Variants in PTPRD observed in about 807,000 individuals in gnomAD.
The protein encoded by PTPRD is protein tyrosine phosphatase receptor type D.
PTPRD carries 34 observed loss-of-function variants against 214.5 expected under a neutral mutation model. The ratio of observed to expected loss-of-function variants is 0.16; its 90% confidence interval spans 0.12 to 0.21. PTPRD has a LOEUF of 0.21. PTPRD is among the 10% of genes least tolerant of loss of function. The pLI, the probability that PTPRD is intolerant of heterozygous loss-of-function variation, is 1.00. For synonymous variants in PTPRD, 1,128 were observed against 845.7 expected (o/e 1.33, Z -5.79); for missense variants, 2,545 against 2,398.7 (o/e 1.06, Z -1.27).
intron 3 of PTPRD, among the ~76,000 whole-genome samples, chr9:10,243,296 A>G (rs1471419652): frequency 6.6e-6 from 1 of 152,010 alleles, no homozygotes; most frequent in African/African-American, 2.4e-5. Flanking sequence ...CCACAGCTAA[A>G]GTGGCTATTG....
Position 8,568,073 on chromosome 9 carries a change from T to C in PTPRD, c.353-39294A>G, listed in dbSNP as rs534262835. Among the ~76,000 whole-genome samples, 13 of 152,298 alleles carry C rather than the reference T, an allele frequency of 8.5e-5. No individual in the cohort carries two copies. The South Asian group carries it at 2.1e-3, about 24-fold the overall frequency. On this transcript the variant is annotated intron_variant, in intron 14 of 45. Coordinates refer to ENST00000381196, the MANE Select transcript of PTPRD (RefSeq NM_002839.4). ...AGGCTGACAGTTACAGGCAATCCAT[T>C]ATAATAGAAAGAGAAACATGTTATA...
intron 10 of PTPRD, among the ~76,000 whole-genome samples, chr9:9,129,022 CCA>C (rs1248555592): frequency 6.6e-6 from 1 of 152,342 alleles, no homozygotes; most frequent in African/African-American, 2.4e-5. Context: ...TTTCATTCTT[CCA>C]CAGATGTCCA....
chr9:9,013,691 G>C (rs2099521373), intron 11 of PTPRD, among the ~76,000 whole-genome samples: 1 of 152,062 alleles, frequency 6.6e-6, no homozygotes, highest in Non-Finnish European at 1.5e-5. Flanking sequence ...AAGCAACTCT[G>C]CCCTGATTCA....
chr9:9,919,372 T>TC (rs1253584827), intron 5 of PTPRD, among the ~76,000 whole-genome samples: 1 of 151,830 alleles, frequency 6.6e-6, no homozygotes, highest in Non-Finnish European at 1.5e-5. Flanking sequence ...GGAATCAAAG[T>TC]CCCCCCACAG....
At chr9:9,573,355 C>G (rs1173098848) in intron 8 of PTPRD, among the ~76,000 whole-genome samples, 1 of 150,686 alleles carries the variant, frequency 6.6e-6, no homozygotes, top group African/African-American at 2.4e-5. Context: ...TGCTTATGCT[C>G]TATAGGTTTA....
At chr9:8,572,405 G>C (rs2154237630) in intron 14 of PTPRD, among the ~76,000 whole-genome samples, 1 of 152,070 alleles carries the variant, frequency 6.6e-6, no homozygotes, top group African/African-American at 2.4e-5. Context: ...TGAGTGCAGT[G>C]ACAAGACTTT....
At chr9:8,826,275 T>A (rs1401266854) in intron 11 of PTPRD, among the ~76,000 whole-genome samples, 2 of 152,140 alleles carry the variant, frequency 1.3e-5, no homozygotes, top group African/African-American at 4.8e-5. Flanking sequence ...TCCCAATCTA[T>A]TCCTTACAAA....
intron 9 of PTPRD, among the ~76,000 whole-genome samples, chr9:9,208,694 A>G (rs34159154): frequency 2.6e-5 from 4 of 152,294 alleles, no homozygotes; most frequent in African/African-American, 9.6e-5. Flanking sequence ...TAAAGAAGAT[A>G]CGATAAAATT....
At position 8,406,286 on chromosome 9, in the gene PTPRD, T is replaced by G. The variant is rs139663663; in HGVS notation, c.4087-1626A>C. ...CTGGTGGAAGCCTTCAAGTCAACCT[T>G]GAACCATGTCCACACAGAACAGCTC... On this transcript the variant is annotated intron_variant, in intron 35 of 45. Coordinates refer to ENST00000381196, the MANE Select transcript of PTPRD (RefSeq NM_002839.4). 3.6e-3 allele frequency among the ~76,000 whole-genome samples: 554 copies of G among 152,332 alleles called. 2 individuals carry two copies. Among genetic ancestry groups the G allele is most frequent in the African/African-American group, 0.013 (531 of 41,592 alleles).
Position 9,447,429 on chromosome 9 carries a change from C to T in PTPRD, c.-236-49947G>A, listed in dbSNP as rs75458422. On this transcript the variant is annotated intron_variant, in intron 8 of 45. Transcript: ENST00000381196. ...AACACAGTAAAAGAAAACTAAATAC[C>T]GTATGTTCTCACTTATATGTAGAAG... Among the ~76,000 whole-genome samples, 1,087 of 118,182 alleles carry T rather than the reference C, an allele frequency of 9.2e-3. 16 individuals are homozygous for T. The highest frequency in any genetic ancestry group is 0.027 in the African/African-American group (1,003 of 37,088). 77.5% of individuals were successfully genotyped at this position (118,182 alleles called of 152,430 possible).
At chr9:8,421,874 G>A (rs779764956) in intron 35 of PTPRD, among the ~76,000 whole-genome samples, 1 of 151,010 alleles carries the variant, frequency 6.6e-6, no homozygotes. Context: ...TTGCCCGGGC[G>A]TGATGGCTCA....
At chr9:10,019,016 G>T (rs1485735819) in intron 4 of PTPRD, among the ~76,000 whole-genome samples, 1 of 152,012 alleles carries the variant, frequency 6.6e-6, no homozygotes, top group East Asian at 1.9e-4. Flanking sequence ...GAAAATTTTT[G>T]CAATCTACTC....
intron 35 of PTPRD, among the ~76,000 whole-genome samples, chr9:8,408,375 A>T (rs1056944932): frequency 6.6e-6 from 1 of 152,028 alleles, no homozygotes; most frequent in African/African-American, 2.4e-5. Flanking sequence ...TGACTCCTAG[A>T]TATGTCTACT....
rs2136999765 is a variant in PTPRD, at chr9:8,501,072, G to C, written c.1823-13C>G. The stretch of plus-strand genomic sequence containing the variant: ...GGAGCTGACGGCTCTTATTTTGGTA[G>C]TGAGTTAAAGGAGGATTTAAGTGAA... On this transcript the variant is annotated splice_polypyrimidine_tract_variant and intron_variant, in intron 23 of 45. Coordinates refer to ENST00000381196, the MANE Select transcript of PTPRD (RefSeq NM_002839.4). 1 of 1,605,636 alleles carries C rather than the reference G, an allele frequency of 6.2e-7. No individual in the cohort carries two copies. The highest frequency in any genetic ancestry group is 2.2e-5 in the East Asian group (1 of 44,712).
chr9:9,138,487 C>A (rs1342068409), intron 10 of PTPRD, among the ~76,000 whole-genome samples: 2 of 152,072 alleles, frequency 1.3e-5, no homozygotes, highest in Non-Finnish European at 2.9e-5. Context: ...TAAGAAATAT[C>A]ACAAAATATG....
chr9:8,665,960 T>C (rs573288524), intron 12 of PTPRD, among the ~76,000 whole-genome samples: 45 of 152,130 alleles, frequency 3.0e-4, no homozygotes, highest in Admixed American at 2.7e-3. Flanking sequence ...AGTGTTCCAA[T>C]GAAATAAAGT....
At chr9:9,686,846 A>C (rs969556634) in intron 7 of PTPRD, among the ~76,000 whole-genome samples, 4 of 151,772 alleles carry the variant, frequency 2.6e-5, no homozygotes, top group Admixed American at 6.6e-5. Context: ...CATTGAGACC[A>C]AAATTTGAAC....
chr9:8,356,725 A>C (rs1424163043), intron 39 of PTPRD, among the ~76,000 whole-genome samples: 1 of 152,200 alleles, frequency 6.6e-6, no homozygotes, highest in African/African-American at 2.4e-5. Flanking sequence ...TACCAGACTC[A>C]GCTGCAGGCA....
chr9:10,049,407 A>AAAAAGAAAGAAAGAAAGAAAG (rs1555515116), intron 3 of PTPRD, among the ~76,000 whole-genome samples: 6 of 115,734 alleles, frequency 5.2e-5, no homozygotes, highest in East Asian at 5.0e-4. Flanking sequence ...TTAAAAAAAA[A>AAAAAGAAAGAAAGAAAGAAAG]AAAGAAAGAA....
Sources: gnomAD v4.1 joint callset for allele counts (sites outside exome capture counted in the v4.1 genomes callset) on GRCh38, gnomAD v4.1.1 for gene constraint, MANE v1.5 for transcripts, NCBI Gene and HGNC (gene_info 2026-07-23, HGNC 2026-07-21) for gene names.